Variants in RNF11 observed in about 807,000 individuals in gnomAD.
The protein encoded by RNF11 is ring finger protein 11.
RNF11 carries 4 observed loss-of-function variants against 15.8 expected under a neutral mutation model. That is an observed-to-expected ratio of 0.25 (90% CI 0.12 to 0.58). The LOEUF (loss-of-function observed/expected upper bound fraction) is 0.58, where lower values mean the gene tolerates loss of function less well. Among genes scored for constraint, RNF11 ranks in the 20% least tolerant of loss-of-function variants. RNF11 has a pLI of 0.91. For missense variants in RNF11, 139 were observed against 194.4 expected, an observed-to-expected ratio of 0.71 and a Z score of 1.70; for synonymous variants, 68 against 72.3, an observed-to-expected ratio of 0.94 and a Z score of 0.30.
At chr1:51,236,908 G>C (rs1286550452) in intron 1 of RNF11, 29 bp downstream of exon 1, 1 of 1,591,022 alleles carries the variant, frequency 6.3e-7, no homozygotes, top group Admixed American at 1.8e-5. Context: ...TGGGGGGAGC[G>C]AGTAGAGGCA....
chr1:51,259,222 G>GTGA (rs1467383556), intron 1 of RNF11, among the ~76,000 whole-genome samples: 1 of 152,204 alleles, frequency 6.6e-6, no homozygotes, highest in Non-Finnish European at 1.5e-5. Context: ...CAAACACCCT[G>GTGA]TGATGTACAG....
At chr1:51,266,868 T>C (rs1646957088) in intron 1 of RNF11, among the ~76,000 whole-genome samples, 1 of 152,248 alleles carries the variant, frequency 6.6e-6, no homozygotes, top group African/African-American at 2.4e-5. Context: ...TATAATTATG[T>C]TGAGTCCCAA....
In RNF11 at chr1:51,252,848, A is replaced by AG. The variant is rs1646886260; in HGVS notation, c.123+15970dup. 2.2e-5 allele frequency among the ~76,000 whole-genome samples: 3 copies of AG among 136,778 alleles called. No homozygotes were observed. In the South Asian group the frequency reaches 6.7e-4, roughly 31 times the overall value. 89.7% of individuals were successfully genotyped at this position (136,778 alleles called of 152,430 possible). On this transcript the variant is annotated intron_variant, in intron 1 of 2. Coordinates refer to ENST00000242719, the MANE Select transcript of RNF11 (RefSeq NM_014372.5). The stretch of plus-strand genomic sequence containing the variant: ...GTGTGTGTGTGTGTTTGGGGGGGAC[A>AG]GAGAGTCTTGCTCTGTTGCCCAGGC...
rs1472646091 is a variant in RNF11 at position 51,272,093 on chromosome 1, T to C, written c.*771T>C. 6.6e-6 allele frequency: 1 copy of C among 152,610 alleles called. No individual in the cohort carries two copies. The highest frequency in any genetic ancestry group is 1.5e-5 in the Non-Finnish European group (1 of 68,018). 9.5% of individuals were successfully genotyped at this position (152,610 alleles called of 1,614,324 possible). The stretch of plus-strand genomic sequence containing the variant: ...GTTTAATATTACCCTTTCCTATGTG[T>C]TTTATCTAATTATTTTGGTTGTTAA... On this transcript the variant is annotated 3_prime_UTR_variant, in exon 3 of 3. Transcript: ENST00000242719.
intron 1 of RNF11, among the ~76,000 whole-genome samples, chr1:51,252,343 A>G (rs1163652186): frequency 6.6e-6 from 1 of 152,154 alleles, no homozygotes; most frequent in Admixed American, 6.6e-5. Flanking sequence ...ATATACCCGT[A>G]ATCCTAGGTA....
At chr1:51,269,217 T>C (rs1646968299) in intron 1 of RNF11, among the ~76,000 whole-genome samples, 1 of 152,174 alleles carries the variant, frequency 6.6e-6, no homozygotes, top group Non-Finnish European at 1.5e-5. Flanking sequence ...GGGAGCCTCA[T>C]CCCTTCTAGG....
chr1:51,252,038 C>T (rs980968954), intron 1 of RNF11, among the ~76,000 whole-genome samples: 1 of 142,194 alleles, frequency 7.0e-6, no homozygotes, highest in African/African-American at 2.7e-5. Context: ...GATCATGCCA[C>T]TGCACTCCAG....
At chr1:51,256,080 A>G (rs1325530211) in intron 1 of RNF11, among the ~76,000 whole-genome samples, 1 of 152,192 alleles carries the variant, frequency 6.6e-6, no homozygotes, top group Non-Finnish European at 1.5e-5. Context: ...TTGCCAAAAC[A>G]TTATCACCCC....
chr1:51,247,446 G>T (rs993507948), intron 1 of RNF11, among the ~76,000 whole-genome samples: 14 of 144,474 alleles, frequency 9.7e-5, no homozygotes, highest in African/African-American at 2.2e-4. Flanking sequence ...GTGGTTTTTT[G>T]TTTTTTTGTT....
chr1:51,241,753 G>A (rs762808763), intron 1 of RNF11, among the ~76,000 whole-genome samples: 1 of 152,122 alleles, frequency 6.6e-6, no homozygotes, highest in Non-Finnish European at 1.5e-5. Flanking sequence ...TCTGCCCAGC[G>A]AAGGCAATCT....
intron 1 of RNF11, among the ~76,000 whole-genome samples, chr1:51,262,715 CTTTTTTTTT>C (rs35542254): frequency 7.1e-5 from 6 of 84,084 alleles, no homozygotes; most frequent in South Asian, 4.4e-4. Flanking sequence ...GCCTGCTAAT[CTTTTTTTTT>C]TTTTTTTTTT....
At chr1:51,254,216 T>C (rs1363790238) in intron 1 of RNF11, among the ~76,000 whole-genome samples, 1 of 152,180 alleles carries the variant, frequency 6.6e-6, no homozygotes, top group African/African-American at 2.4e-5. Flanking sequence ...AGTTTTTTTT[T>C]TAAATCAAAG....
Position 51,236,659 on chromosome 1 carries a change from C to T in RNF11, c.-98C>T, listed in dbSNP as rs1646804246. ...CCTCCGCCTGATCCCCGGCCTGTCG[C>T]CCGACCCCACCTCGCCAACCGAGGC... On this transcript the variant is annotated 5_prime_UTR_variant, in exon 1 of 3. Coordinates refer to ENST00000242719, the MANE Select transcript of RNF11 (RefSeq NM_014372.5). 4 of 1,537,286 alleles carry T rather than the reference C, an allele frequency of 2.6e-6. No homozygotes were observed. The highest frequency in any genetic ancestry group is 1.2e-5 in the South Asian group (1 of 84,244).
At chr1:51,258,946 C>T (rs1217343535) in intron 1 of RNF11, among the ~76,000 whole-genome samples, 5 of 152,178 alleles carry the variant, frequency 3.3e-5, no homozygotes. Context: ...CACTCCCCAC[C>T]CCATTTTCAT....
At position 51,271,323 on chromosome 1, in the gene RNF11, G is replaced by GC; in HGVS notation, c.*3dup. On this transcript the variant is annotated 3_prime_UTR_variant, in exon 3 of 3. Coordinates refer to ENST00000242719, the MANE Select transcript of RNF11 (RefSeq NM_014372.5). ...GCTTTCATCCTATGAGACTAATTGA[G>GC]CCAGGGTCTCTTATCTGACTTCAAG... The GC allele has an allele frequency of 6.2e-7, 1 of 1,608,192 alleles. No individual in the cohort carries two copies. Among genetic ancestry groups the GC allele is most frequent in the South Asian group, 1.1e-5 (1 of 90,334 alleles).
At chr1:51,248,437 G>A (rs755239965) in intron 1 of RNF11, among the ~76,000 whole-genome samples, 28 of 151,916 alleles carry the variant, frequency 1.8e-4, no homozygotes, top group Admixed American at 9.9e-4. Flanking sequence ...CCCGACCTCA[G>A]GTGATCCGCT....
chr1:51,252,839 G>GTGTGTGTGTGTGTGTGT (rs1557679635), intron 1 of RNF11, among the ~76,000 whole-genome samples: 1 of 150,868 alleles, frequency 6.6e-6, no homozygotes, highest in African/African-American at 2.4e-5. Flanking sequence ...GTGTGTGTTT[G>GTGTGTGTGTGTGTGTGT]GGGGGGACAG....
intron 1 of RNF11, among the ~76,000 whole-genome samples, chr1:51,249,164 A>C (rs1056340094): frequency 2.6e-5 from 4 of 152,144 alleles, no homozygotes; most frequent in African/African-American, 4.8e-5. Context: ...GAGTTGTGTA[A>C]TTTTGTACAG....
chr1:51,264,259 CAAAAAAAAAAAAAA>C (rs1158509807), intron 1 of RNF11, among the ~76,000 whole-genome samples: 442 of 25,538 alleles, frequency 0.017, 29 homozygotes, highest in Middle Eastern at 0.056. Flanking sequence ...GACCCTATCT[CAAAAAAAAAAAAAA>C]AAAAAAAAAA....
Sources: gnomAD v4.1 joint callset for allele counts (sites outside exome capture counted in the v4.1 genomes callset) on GRCh38, gnomAD v4.1.1 for gene constraint, MANE v1.5 for transcripts, NCBI Gene and HGNC (gene_info 2026-07-23, HGNC 2026-07-21) for gene names.